Variants in PDE4B observed in about 807,000 individuals in gnomAD.
PDE4B encodes 3',5'-cyclic-AMP phosphodiesterase 4B.
In PDE4B, 20 loss-of-function variants were observed where a neutral mutation model predicts 82.2. The ratio of observed to expected loss-of-function variants is 0.24; its 90% CI spans 0.17 to 0.35. PDE4B has a LOEUF of 0.35. PDE4B is among the 10% of genes least tolerant of loss of function. PDE4B has a pLI of 1.00. For missense variants in PDE4B, 655 were observed against 907.2 expected, an observed-to-expected ratio of 0.72 and a Z score of 3.57; for synonymous variants, 320 against 318.9, an observed-to-expected ratio of 1.00 and a Z score of -0.04.
At chr1:65,934,325 T>C (rs1217813619) in intron 3 of PDE4B, among the ~76,000 whole-genome samples, 3 of 152,198 alleles carry the variant, frequency 2.0e-5, no homozygotes, top group Non-Finnish European at 2.9e-5. Flanking sequence ...TGGTGGCATA[T>C]ACCTGTAGCC....
At chr1:66,257,520 T>C (rs1654334818) in intron 4 of PDE4B, 127 bp from the exon 5 acceptor site, 2 of 975,068 alleles carry the variant, frequency 2.1e-6, no homozygotes, top group Non-Finnish European at 3.3e-6. Flanking sequence ...TCCTGTCTTA[T>C]ATCCAGGTAG....
Position 66,274,387 on chromosome 1 carries a change from G to A in PDE4B, c.634+8300G>A, listed in dbSNP as rs147710695. Among the ~76,000 whole-genome samples the A allele has an allele frequency of 5.0e-3, 759 of 151,608 alleles. 3 individuals are homozygous for A. The highest frequency in any genetic ancestry group is 7.6e-3 in the Non-Finnish European group (518 of 67,910). On this transcript the variant is annotated intron_variant, in intron 7 of 16. Transcript: ENST00000341517. ...GGAGTTTCACCATGTTGGTCAGGCT[G>A]GTCTCGAACTCCTGATCTCAGGTGA...
intron 15 of PDE4B, 63 bp from the exon 16 acceptor site, chr1:66,368,724 A>G: frequency 7.7e-7 from 1 of 1,306,398 alleles, no homozygotes; most frequent in Non-Finnish European, 1.0e-6. Context: ...TATGAGAGGC[A>G]TGAGATGTTC....
At chr1:66,180,063 C>A (rs933073987) in intron 3 of PDE4B, among the ~76,000 whole-genome samples, 1 of 152,112 alleles carries the variant, frequency 6.6e-6, no homozygotes, top group Non-Finnish European at 1.5e-5. Flanking sequence ...ACACAGCATG[C>A]CATTGTGTGC....
At chr1:66,119,805 CCTAAT>C (rs758358470) in intron 3 of PDE4B, among the ~76,000 whole-genome samples, 7 of 151,968 alleles carry the variant, frequency 4.6e-5, no homozygotes, top group Non-Finnish European at 8.8e-5. Context: ...TAGAGTGGGC[CCTAAT>C]CTAATATGAC....
At chr1:65,907,399 G>A (rs1216048964) in intron 1 of PDE4B, among the ~76,000 whole-genome samples, 2 of 151,628 alleles carry the variant, frequency 1.3e-5, no homozygotes, top group African/African-American at 4.8e-5. Context: ...GTTTCATAAA[G>A]TTTACGGATG....
chr1:66,229,288 C>T (rs910992645), intron 3 of PDE4B, among the ~76,000 whole-genome samples: 9 of 152,024 alleles, frequency 5.9e-5, no homozygotes, highest in Admixed American at 2.0e-4. Context: ...GGATTACAGG[C>T]GTGAGCCACC....
intron 9 of PDE4B, among the ~76,000 whole-genome samples, chr1:66,358,980 T>G (rs943539672): frequency 1.3e-5 from 2 of 152,172 alleles, no homozygotes; most frequent in Non-Finnish European, 2.9e-5. Context: ...TCATTGATGC[T>G]GTCACATAAT....
At chr1:66,331,752 T>C in intron 7 of PDE4B, 32 of 985,424 alleles carry the variant, frequency 3.2e-5, no homozygotes, top group Non-Finnish European at 3.6e-5. Context: ...TAGCTTTGTT[T>C]AGTATAACAA....
chr1:65,857,974 G>C (rs1413851228), intron 1 of PDE4B, among the ~76,000 whole-genome samples: 1 of 151,714 alleles, frequency 6.6e-6, no homozygotes, highest in Non-Finnish European at 1.5e-5. Context: ...TAATACAGAT[G>C]ACTAGCCTGG....
At chr1:65,994,459 T>C (rs1651421889) in intron 3 of PDE4B, among the ~76,000 whole-genome samples, 1 of 151,940 alleles carries the variant, frequency 6.6e-6, no homozygotes, top group African/African-American at 2.4e-5. Context: ...AATCTCTTAT[T>C]TGCAGAATAC....
intron 3 of PDE4B, among the ~76,000 whole-genome samples, chr1:65,997,847 A>G (rs183327048): frequency 6.6e-6 from 1 of 152,322 alleles, no homozygotes; most frequent in East Asian, 1.9e-4. Context: ...ATGCTACTGA[A>G]GCATGTTGTT....
chr1:66,182,636 G>A (rs181632498), intron 3 of PDE4B, among the ~76,000 whole-genome samples: 1 of 152,254 alleles, frequency 6.6e-6, no homozygotes, highest in East Asian at 1.9e-4. Context: ...GTCACCCTGG[G>A]AGAAAAGAAT....
chr1:66,149,396 A>G (rs1033847822), intron 3 of PDE4B, among the ~76,000 whole-genome samples: 8 of 152,156 alleles, frequency 5.3e-5, no homozygotes, highest in African/African-American at 1.7e-4. Context: ...ATTTTCTCCT[A>G]TTCTATGGAT....
intron 4 of PDE4B, among the ~76,000 whole-genome samples, chr1:66,251,507 C>T (rs1653770875): frequency 6.6e-6 from 1 of 152,158 alleles, no homozygotes; most frequent in South Asian, 2.1e-4. Context: ...AATTTAGGAA[C>T]TTTGTGAACA....
intron 3 of PDE4B, among the ~76,000 whole-genome samples, chr1:66,224,218 G>A (rs939353872): frequency 1.3e-5 from 2 of 151,874 alleles, no homozygotes; most frequent in African/African-American, 2.4e-5. Flanking sequence ...GCCACTTCTC[G>A]CTGCTCCCCA....
chr1:66,342,730 C>CAAA (rs59069739), intron 8 of PDE4B, among the ~76,000 whole-genome samples: 4 of 108,356 alleles, frequency 3.7e-5, no homozygotes, highest in African/African-American at 1.3e-4. Flanking sequence ...AACTCCATCT[C>CAAA]AAAAAAAAAA....
chr1:66,111,959 C>A (rs867724), intron 3 of PDE4B, among the ~76,000 whole-genome samples: 8,472 of 152,142 alleles, frequency 0.056, 585 homozygotes, highest in East Asian at 0.31. Flanking sequence ...TGGAAACCCA[C>A]AATTTATGAA....
intron 3 of PDE4B, among the ~76,000 whole-genome samples, chr1:66,226,680 G>A (rs548392903): frequency 2.2e-4 from 34 of 152,360 alleles, no homozygotes; most frequent in Middle Eastern, 3.4e-3. Flanking sequence ...TATAAAATGA[G>A]ATCGGAAAGC....
Sources: allele counts gnomAD v4.1 joint callset (sites outside exome capture counted in the v4.1 genomes callset), GRCh38; gene constraint gnomAD v4.1.1; transcripts MANE v1.5; gene names NCBI Gene and HGNC (gene_info 2026-07-23, HGNC 2026-07-21).